Variants in MVD observed in about 807,000 individuals in gnomAD.
The protein encoded by MVD is diphosphomevalonate decarboxylase.
MVD carries 52 observed loss-of-function variants against 42.4 expected under a neutral mutation model. The ratio of observed to expected loss-of-function variants is 1.23; its 90% CI spans 0.98 to 1.55. The LOEUF is 1.55. Among genes scored for constraint, MVD ranks in the 40% most tolerant of loss-of-function variants. The probability of loss-of-function intolerance (pLI) is 0.00; values close to 1 mark genes in which losing one functional copy is unlikely to be tolerated. For synonymous variants in MVD, 287 were observed against 243.2 expected, an observed-to-expected ratio of 1.18 and a Z score of -1.68; for missense variants, 663 against 572.1, an observed-to-expected ratio of 1.16 and a Z score of -1.62.
In MVD at chr16:88,652,411, G is replaced by T; in HGVS notation, c.*114C>A. 2.5e-6 allele frequency: 3 copies of T among 1,204,588 alleles called. No homozygotes were observed. The highest frequency in any genetic ancestry group is 4.0e-5 in the Admixed American group (2 of 50,426). 74.6% of individuals were successfully genotyped at this position (1,204,588 alleles called of 1,614,324 possible). On this transcript the variant is annotated 3_prime_UTR_variant, in exon 10 of 10. Coordinates refer to ENST00000301012, the MANE Select transcript of MVD (RefSeq NM_002461.3). ...CCCACAGCAAGCTGCCCATGGGCCC[G>T]GGGTCAAGCCACCACCCACATGTCC...
intron 9 of MVD, 100 bp downstream of exon 9, chr16:88,653,200 G>T: frequency 2.2e-6 from 2 of 891,496 alleles, no homozygotes; most frequent in Non-Finnish European, 3.5e-6. Context: ...ACACGGTAGG[G>T]ACAGGGAGCC....
intron 1 of MVD, chr16:88,659,034 T>C: frequency 2.7e-6 from 1 of 372,376 alleles, no homozygotes; most frequent in Middle Eastern, 8.6e-4. Flanking sequence ...CTGCCTCCCC[T>C]CCACCTTCCC....
At chr16:88,654,591 T>TG (rs1162356432) in intron 8 of MVD, 101 bp downstream of exon 8, 4 of 1,197,298 alleles carry the variant, frequency 3.3e-6, no homozygotes, top group East Asian at 2.9e-5. Context: ...GCCCTGGGAC[T>TG]CCCTGTCTCA....
chr16:88,656,196 T>C lies in MVD; in HGVS notation c.512A>G (p.Gln171Arg). ...RSLYGGFVEW[Q>R]MGEQADGKDS... ...CTTCCCGTCGGCCTGCTCTCCCATC[T>C]GCCACTCCACAAAGCCCCCATACAG... Residue 171 changes from glutamine to arginine, a missense_variant, in exon 5 of 10, where the codon CAG becomes CGG. By Grantham distance (43) the Gln-to-Arg change is conservative. Coordinates refer to ENST00000301012, the MANE Select transcript of MVD (RefSeq NM_002461.3). 6.2e-7 allele frequency: 1 copy of C among 1,601,650 alleles called. No homozygotes were observed. Among genetic ancestry groups the C allele is most frequent in the Non-Finnish European group, 8.5e-7 (1 of 1,179,926 alleles).
intron 1 of MVD, 187 bp from the exon 2 acceptor site, chr16:88,658,907 C>G: frequency 1.7e-6 from 1 of 600,404 alleles, no homozygotes; most frequent in Non-Finnish European, 3.0e-6. Flanking sequence ...CCCCACTGAG[C>G]TCAGGCTCCC....
At chr16:88,653,556 C>T (rs1907716503) in intron 8 of MVD, 148 bp from the exon 9 acceptor site, 2 of 639,998 alleles carry the variant, frequency 3.1e-6, no homozygotes, top group Non-Finnish European at 5.2e-6. Context: ...GCTGTGGGGA[C>T]AGGTTTCTTT....
chr16:88,652,439 G>T lies in MVD; in HGVS notation c.*86C>A. On this transcript the variant is annotated 3_prime_UTR_variant, in exon 10 of 10. Transcript: ENST00000301012. Reference sequence around the variant, plus strand: ...GTCAAGCCACCACCCACATGTCCCAGGAGTCCGGCCAGCCCACCACATCCG... The same window carrying T: ...GTCAAGCCACCACCCACATGTCCCATGAGTCCGGCCAGCCCACCACATCCG... 1.4e-6 allele frequency: 2 copies of T among 1,435,686 alleles called. No individual in the cohort carries two copies. The highest frequency in any genetic ancestry group is 1.9e-6 in the Non-Finnish European group (2 of 1,045,204). 88.9% of individuals were successfully genotyped at this position (1,435,686 alleles called of 1,614,324 possible).
chr16:88,657,834 G>A, intron 3 of MVD, 81 bp downstream of exon 3: 2 of 1,442,150 alleles, frequency 1.4e-6, no homozygotes, highest in Non-Finnish European at 1.9e-6. Context: ...CTCAGGAGGG[G>A]CACAGAGGCA....
At chr16:88,654,535 T>C (rs550333581) in intron 8 of MVD, among the ~76,000 whole-genome samples, 157 bp downstream of exon 8, 1 of 152,302 alleles carries the variant, frequency 6.6e-6, no homozygotes, top group African/African-American at 2.4e-5. Context: ...GATGGCTCTA[T>C]GGGGACACCC....
intron 5 of MVD, 172 bp downstream of exon 5, chr16:88,655,933 C>T: frequency 1.8e-6 from 2 of 1,134,306 alleles, no homozygotes; most frequent in Non-Finnish European, 2.5e-6. Flanking sequence ...GTGGCGCCCG[C>T]CGCATGGGAG....
chr16:88,659,009 C>G (rs1908122346), intron 1 of MVD: 6 of 429,708 alleles, frequency 1.4e-5, no homozygotes, highest in South Asian at 1.3e-4. Context: ...AGGTGCGGAT[C>G]GCTCCCACCG....
At chr16:88,653,535 G>A (rs74033340) in intron 8 of MVD, 127 bp from the exon 9 acceptor site, 14,300 of 745,342 alleles carry the variant, frequency 0.019, 256 homozygotes, top group African/African-American at 0.072. Context: ...AGGGGGAGAC[G>A]GCAGGTGGCT....
chr16:88,657,578 G>A lies in MVD; in HGVS notation c.261C>T (p.Arg87=). ...AGTTCCTCCGCTTCCGGGCCAGGCA[G>A]CGGACTGCAGAGACAATGAGACAGC... is the stretch of plus-strand genomic sequence containing the variant. ...PRLQACLREI[R]CLARKRRNSR... is the part of the protein sequence containing the mutation. The change falls in exon 4 of 10, where the codon CGC becomes CGT. Residue 87 remains arginine (R), a synonymous_variant. Transcript: ENST00000301012. The A allele has an allele frequency of 7.4e-6, 12 of 1,612,386 alleles. No homozygotes were observed. Among genetic ancestry groups the A allele is most frequent in the Non-Finnish European group, 1.0e-5 (12 of 1,179,630 alleles).
rs181702094 is a variant in MVD, at chr16:88,652,695, G to A, written c.1123-90C>T. On this transcript the variant is annotated intron_variant, in intron 9 of 9. Transcript: ENST00000301012. ...GTAGGGCCGGACACAGGAGGGTAGCGGTGTGCCCCCGCCCTTCCTGTGGGT... is the reference window on the plus strand; with the variant it reads ...GTAGGGCCGGACACAGGAGGGTAGCAGTGTGCCCCCGCCCTTCCTGTGGGT... 171 of 1,263,568 alleles carry A rather than the reference G, an allele frequency of 1.4e-4. No individual in the cohort carries two copies. The Middle Eastern group carries it at 1.7e-3, about 13-fold the overall frequency. The allele number at this position is 1,263,568 out of a possible 1,614,324, so 78.3% of individuals were successfully genotyped here.
In MVD at chr16:88,659,006, G is replaced by C. The variant is rs871166; in HGVS notation, c.71-286C>G. On this transcript the variant is annotated intron_variant, in intron 1 of 9. Coordinates refer to ENST00000301012, the MANE Select transcript of MVD (RefSeq NM_002461.3). The stretch of plus-strand genomic sequence containing the variant: ...CAGCATCCGTGAGTGCCCAGGTGCG[G>C]ATCGCTCCCACCGCGGCCTGCCTCC... The C allele has an allele frequency of 8.6e-3, 3,802 of 441,894 alleles. 96 individuals carry two copies. The highest frequency in any genetic ancestry group is 0.062 in the African/African-American group (3,109 of 50,022). 27.4% of individuals were successfully genotyped at this position (441,894 alleles called of 1,614,324 possible). A position where few individuals can be genotyped will look rare whatever the true frequency, so the allele number is the denominator to read the frequency against.
intron 1 of MVD, chr16:88,660,597 A>G (rs1908230233): frequency 2.0e-5 from 3 of 152,234 alleles, no homozygotes; most frequent in Admixed American, 2.0e-4. Flanking sequence ...GTGAGCCGAG[A>G]TCACGCCATT....
At position 88,654,678 on chromosome 16, in the gene MVD, G is replaced by T; in HGVS notation, c.1013+14C>A. 1 of 1,586,240 alleles carries T rather than the reference G, an allele frequency of 6.3e-7. No individual in the cohort carries two copies. The highest frequency in any genetic ancestry group is 8.5e-7 in the Non-Finnish European group (1 of 1,170,360). Reference sequence around the variant, plus strand: ...CATCTCCCAAAAAGGAGGAGGGGCGGGGTCCACACTCACGTGTCTCCATTC... The same window carrying T: ...CATCTCCCAAAAAGGAGGAGGGGCGTGGTCCACACTCACGTGTCTCCATTC... On this transcript the variant is annotated intron_variant, in intron 8 of 9. Transcript: ENST00000301012.
At position 88,652,219 on chromosome 16, in the gene MVD, G is replaced by A. The variant is rs1033389577; in HGVS notation, c.*306C>T. The A allele has an allele frequency of 1.9e-6, 1 of 522,188 alleles. No individual in the cohort carries two copies. The highest frequency in any genetic ancestry group is 1.9e-5 in the African/African-American group (1 of 51,874). The allele number at this position is 522,188 out of a possible 1,614,324, so 32.3% of individuals were successfully genotyped here. A position where few individuals can be genotyped will look rare whatever the true frequency, so the allele number is the denominator to read the frequency against. On this transcript the variant is annotated 3_prime_UTR_variant, in exon 10 of 10. Transcript: ENST00000301012. ...TTTCTCAGAGAACTGGGCATAGCCA[G>A]AGCTGGGGTGAGAAAGCCCTTCAGC...
rs746489635 is a variant in MVD at position 88,652,549 on chromosome 16, G to A, written c.1179C>T (p.Asp393=). Residue 393 remains aspartate (D), a synonymous_variant, in exon 10 of 10, where the codon GAC becomes GAT. Transcript: ENST00000301012. ...DDPCAHLLGP[D]GLPKPAA Reference sequence around the variant, plus strand: ...GTCAGGCAGCTGGCTTCGGCAGGCCGTCAGGACCCAGGAGGTGGGCGCAGG... The same window carrying A: ...GTCAGGCAGCTGGCTTCGGCAGGCCATCAGGACCCAGGAGGTGGGCGCAGG... 101 of 1,573,400 alleles carry A rather than the reference G, an allele frequency of 6.4e-5. 2 individuals are homozygous for A. In the South Asian group the frequency reaches 9.6e-4, roughly 15 times the overall value.
Sources: allele counts gnomAD v4.1 joint callset (sites outside exome capture counted in the v4.1 genomes callset), GRCh38; gene constraint gnomAD v4.1.1; transcripts MANE v1.5; gene names NCBI Gene and HGNC (gene_info 2026-07-23, HGNC 2026-07-21).